PDE7B: variants seen among roughly 807,000 people sequenced by gnomAD.
The protein encoded by PDE7B is 3',5'-cyclic-AMP phosphodiesterase 7B.
PDE7B carries 29 observed loss-of-function variants against 56.2 expected under a neutral mutation model. The observed-to-expected ratio is 0.52, with a 90% CI of 0.38 to 0.70. PDE7B has a LOEUF of 0.70. PDE7B is among the 30% of genes least tolerant of loss of function. The pLI is 0.00. For missense variants in PDE7B, 490 were observed against 565.0 expected (o/e 0.87, Z 1.35); for synonymous variants, 197 against 196.9 (o/e 1.00, Z 0.00).
At chr6:136,127,929 G>T (rs1778049448) in intron 3 of PDE7B, among the ~76,000 whole-genome samples, 1 of 152,154 alleles carries the variant, frequency 6.6e-6, no homozygotes, top group Non-Finnish European at 1.5e-5. Flanking sequence ...TGAACTTTTT[G>T]CTCTGCTGTG....
At chr6:135,957,788 A>T (rs1774824390) in intron 2 of PDE7B, among the ~76,000 whole-genome samples, 1 of 152,000 alleles carries the variant, frequency 6.6e-6, no homozygotes, top group African/African-American at 2.4e-5. Flanking sequence ...GTGACTCTAG[A>T]AGGTTATTTT....
intron 2 of PDE7B, among the ~76,000 whole-genome samples, chr6:136,054,716 C>T (rs957158485): frequency 6.6e-6 from 1 of 152,106 alleles, no homozygotes; most frequent in African/African-American, 2.4e-5. Flanking sequence ...TTGTTTGTAT[C>T]TTCTTTTATT....
chr6:135,900,731 AT>A (rs956569063), intron 1 of PDE7B, among the ~76,000 whole-genome samples: 50 of 150,520 alleles, frequency 3.3e-4, no homozygotes, highest in African/African-American at 1.0e-3. Flanking sequence ...CTTATTCTGT[AT>A]TTTTTTTTCA....
At chr6:135,873,745 A>G (rs762009139) in intron 1 of PDE7B, among the ~76,000 whole-genome samples, 14 of 152,216 alleles carry the variant, frequency 9.2e-5, no homozygotes, top group Admixed American at 3.3e-4. Flanking sequence ...TTATATTCAC[A>G]GACATAGACA....
chr6:136,157,484 A>G (rs1778627997), intron 8 of PDE7B, among the ~76,000 whole-genome samples: 1 of 152,230 alleles, frequency 6.6e-6, no homozygotes, highest in African/African-American at 2.4e-5. Flanking sequence ...AGGCTGAGAC[A>G]GGAGAATCAC....
chr6:136,042,866 C>T (rs1378648388), intron 2 of PDE7B, among the ~76,000 whole-genome samples: 1 of 152,176 alleles, frequency 6.6e-6, no homozygotes. Context: ...GCACCAGGGA[C>T]TCAGAGATGA....
intron 1 of PDE7B, among the ~76,000 whole-genome samples, chr6:135,926,931 A>G (rs9494423): frequency 0.039 from 5,893 of 152,266 alleles, 388 homozygotes; most frequent in African/African-American, 0.13. Flanking sequence ...GAATTAATGT[A>G]GCTGCTTGAA....
intron 2 of PDE7B, among the ~76,000 whole-genome samples, chr6:135,968,471 G>A (rs1775037348): frequency 6.6e-6 from 1 of 151,802 alleles, no homozygotes; most frequent in Non-Finnish European, 1.5e-5. Flanking sequence ...AAAAAATTAA[G>A]AAAGTGGGCA....
intron 1 of PDE7B, among the ~76,000 whole-genome samples, chr6:135,895,748 C>G (rs1423419602): frequency 6.6e-6 from 1 of 152,002 alleles, no homozygotes; most frequent in East Asian, 1.9e-4. Flanking sequence ...TTGTGTAGTA[C>G]AGACAGGGCT....
intron 1 of PDE7B, among the ~76,000 whole-genome samples, chr6:135,926,085 TGGGGGGGGGGGGGG>T (rs948738463): frequency 6.2e-5 from 1 of 16,158 alleles, no homozygotes; most frequent in Non-Finnish European, 2.0e-4. Flanking sequence ...TTCTTTTTTT[TGGGGGGGGGGGGGG>T]GAGGGGGGAT....
At chr6:136,096,480 CTTTT>C (rs201836265) in intron 2 of PDE7B, among the ~76,000 whole-genome samples, 2 of 110,182 alleles carry the variant, frequency 1.8e-5, no homozygotes, top group Admixed American at 1.8e-4. Flanking sequence ...CCAATGAATG[CTTTT>C]TTTTTTTTTT....
At chr6:136,050,193 G>A (rs1437413773) in intron 2 of PDE7B, among the ~76,000 whole-genome samples, 2 of 152,158 alleles carry the variant, frequency 1.3e-5, no homozygotes, top group East Asian at 1.9e-4. Context: ...TAACGTCTCC[G>A]TGATGCGTGA....
chr6:136,156,351 G>A (rs1257178603), intron 8 of PDE7B, among the ~76,000 whole-genome samples: 1 of 152,012 alleles, frequency 6.6e-6, no homozygotes, highest in African/African-American at 2.4e-5. Context: ...CGCCACACCT[G>A]ACTAATTCTG....
intron 1 of PDE7B, among the ~76,000 whole-genome samples, chr6:135,921,370 C>T (rs902155523): frequency 1.7e-4 from 26 of 152,258 alleles, no homozygotes; most frequent in African/African-American, 6.3e-4. Context: ...AAGAACCCAA[C>T]AGGCAGTTTT....
rs146740577 is a variant in PDE7B, at chr6:136,160,874, G to A, written c.711+5116G>A. ...ATACGGAGTGCTGAATACATGCTAG[G>A]TGCAGGAGTATAGAAGATGAACAAA... On this transcript the variant is annotated intron_variant, in intron 8 of 12. Transcript: ENST00000308191. Among the ~76,000 whole-genome samples, 117 of 152,202 alleles carry A rather than the reference G, an allele frequency of 7.7e-4. 1 individual carries two copies. The highest frequency in any genetic ancestry group is 2.6e-3 in the African/African-American group (110 of 41,522).
intron 2 of PDE7B, among the ~76,000 whole-genome samples, chr6:135,991,513 C>T (rs1009631284): frequency 3.5e-4 from 54 of 152,188 alleles, no homozygotes; most frequent in Admixed American, 2.2e-3. Context: ...TTCGCCAATA[C>T]CAGCAAATTG....
chr6:136,156,312 C>A (rs1180775150), intron 8 of PDE7B, among the ~76,000 whole-genome samples: 2 of 152,052 alleles, frequency 1.3e-5, no homozygotes, highest in East Asian at 3.9e-4. Flanking sequence ...ACCTCAGCCT[C>A]CCTAGTAGCT....
intron 2 of PDE7B, among the ~76,000 whole-genome samples, chr6:135,960,552 A>G (rs890884034): frequency 2.6e-5 from 4 of 152,108 alleles, no homozygotes; most frequent in African/African-American, 7.2e-5. Context: ...TTCTCCTGCT[A>G]TTCATTTATT....
At position 136,193,231 on chromosome 6, in the gene PDE7B, T is replaced by TATATGGCTATAGTAC. The variant is rs1283312907; in HGVS notation, c.*1393_*1394insATGGCTATAGTACAT. On this transcript the variant is annotated 3_prime_UTR_variant, in exon 13 of 13. Coordinates refer to ENST00000308191, the MANE Select transcript of PDE7B (RefSeq NM_018945.4). The stretch of plus-strand genomic sequence containing the variant: ...CCTGCTCCCATGCCACACATTTGTC[T>TATATGGCTATAGTAC]ATTATGGCTATAGTACCAAAGTACT... 6.6e-6 allele frequency: 1 copy of TATATGGCTATAGTAC among 152,664 alleles called. No homozygotes were observed. The allele number at this position is 152,664 out of a possible 1,614,324, so 9.5% of individuals were successfully genotyped here. A position where few individuals can be genotyped will look rare whatever the true frequency, so the allele number is the denominator to read the frequency against.
Sources: allele counts gnomAD v4.1 joint callset (sites outside exome capture counted in the v4.1 genomes callset), GRCh38; gene constraint gnomAD v4.1.1; transcripts MANE v1.5; gene names NCBI Gene and HGNC (gene_info 2026-07-23, HGNC 2026-07-21).